The following SERPINB7 variants were observed in gnomAD, a reference collection of about 807,000 sequenced individuals.
SERPINB7 encodes serpin B7.
A neutral mutation model predicts 37.4 loss-of-function variants in SERPINB7; 31 were observed. The ratio of observed to expected loss-of-function variants is 0.83; its 90% CI spans 0.62 to 1.12. The LOEUF (loss-of-function observed/expected upper bound fraction) is 1.12. Among genes scored for constraint, SERPINB7 ranks in the 50% most tolerant of loss-of-function variants. The pLI is 0.00. For synonymous variants in SERPINB7, 163 were observed against 166.1 expected, an observed-to-expected ratio of 0.98 and a Z score of 0.14; for missense variants, 521 against 455.3, an observed-to-expected ratio of 1.14 and a Z score of -1.31.
chr18:63,801,667 C>T (rs9967135), intron 7 of SERPINB7, among the ~76,000 whole-genome samples: 34,102 of 151,930 alleles, frequency 0.22, 3,861 homozygotes, highest in Middle Eastern at 0.33. Context: ...CAGTCACAAG[C>T]GTGTGTAAAA....
In SERPINB7 at chr18:63,763,465, C is replaced by T. The variant is rs183682897; in HGVS notation, c.-19+10345C>T. On this transcript the variant is annotated intron_variant, in intron 1 of 7. Coordinates refer to the SERPINB7 transcript ENST00000336429. ...AATATTTAAAAAATTGGTAAGTAAT[C>T]CACCTTTCATTTATGAGACAATCTA... Among the ~76,000 whole-genome samples the T allele has an allele frequency of 3.9e-5, 6 of 152,192 alleles. No homozygotes were observed. In the East Asian group the frequency reaches 5.8e-4, roughly 15 times the overall value.
intron 1 of SERPINB7, chr18:63,778,034 C>T (rs1193496243): frequency 2.0e-5 from 3 of 152,016 alleles, no homozygotes; most frequent in Non-Finnish European, 4.4e-5. Context: ...TGCTTCTCCA[C>T]CTTACAGCTT....
intron 7 of SERPINB7, among the ~76,000 whole-genome samples, chr18:63,802,630 A>G (rs2049562128): frequency 6.6e-6 from 1 of 152,224 alleles, no homozygotes. Context: ...TATGTCAGCT[A>G]TACTGAAAAG....
chr18:63,778,970 T>C (rs2049276780), intron 1 of SERPINB7, among the ~76,000 whole-genome samples: 1 of 152,178 alleles, frequency 6.6e-6, no homozygotes, highest in Non-Finnish European at 1.5e-5. Context: ...ATAGTATATT[T>C]TTAGCAAAAT....
rs957857154 is a variant in SERPINB7 at position 63,767,167 on chromosome 18, GA to G, written c.-19+14056del. On this transcript the variant is annotated intron_variant, in intron 1 of 7. Coordinates refer to the SERPINB7 transcript ENST00000336429. ...TGTGAAAGAATAGAGGCAATGGAGA[GA>G]AAAAAAAATATGCAGAGATTTCTCA... 4.3e-4 allele frequency among the ~76,000 whole-genome samples: 65 copies of G among 151,024 alleles called. 2 individuals carry two copies. Among genetic ancestry groups the G allele is most frequent in the African/African-American group, 1.2e-3 (49 of 41,254 alleles).
At position 63,793,682 on chromosome 18, in the gene SERPINB7, G is replaced by T. The variant is rs144701310; in HGVS notation, c.336+405G>T. Among the ~76,000 whole-genome samples the T allele has an allele frequency of 1.7e-4, 26 of 152,130 alleles. 1 individual carries two copies. The East Asian group carries it at 5.0e-3, about 29-fold the overall frequency. On this transcript the variant is annotated intron_variant, in intron 4 of 7. Transcript: ENST00000398019. ...ACTATGCCCAGCTAATTTTTTTGTTGTTGAGAAAGGGTCTCTCTATGTTGC... is the reference window on the plus strand; with the variant it reads ...ACTATGCCCAGCTAATTTTTTTGTTTTTGAGAAAGGGTCTCTCTATGTTGC...
At position 63,786,136 on chromosome 18, in the gene SERPINB7, CAT is replaced by C. The variant is rs879741756; in HGVS notation, c.168+3602_168+3603del. 3.3e-5 allele frequency among the ~76,000 whole-genome samples: 4 copies of C among 120,068 alleles called. 1 individual carries two copies. The highest frequency in any genetic ancestry group is 2.7e-4 in the South Asian group (1 of 3,674). The allele number at this position is 120,068 out of a possible 152,430, so 78.8% of individuals were successfully genotyped here. ...ATATATGTATATATATACGTATATA[CAT>C]ATATACACACACACACACACACACA... On this transcript the variant is annotated intron_variant, in intron 2 of 7. Coordinates refer to ENST00000398019, the MANE Select transcript of SERPINB7 (RefSeq NM_003784.4).
intron 2 of SERPINB7, among the ~76,000 whole-genome samples, chr18:63,783,785 C>A (rs967156778): frequency 6.6e-6 from 1 of 152,230 alleles, no homozygotes; most frequent in Non-Finnish European, 1.5e-5. Context: ...TCTTGCCCCA[C>A]TATTCCTCCC....
At chr18:63,785,722 T>C (rs908970207) in intron 2 of SERPINB7, among the ~76,000 whole-genome samples, 8 of 151,338 alleles carry the variant, frequency 5.3e-5, no homozygotes, top group Non-Finnish European at 1.0e-4. Flanking sequence ...TTTTTGTTGT[T>C]GTGTTTTGTT....
intron 4 of SERPINB7, among the ~76,000 whole-genome samples, 158 bp downstream of exon 4, chr18:63,793,435 CA>C (rs1026488401): frequency 6.6e-6 from 1 of 152,142 alleles, no homozygotes; most frequent in Non-Finnish European, 1.5e-5. Flanking sequence ...TCACCATTTC[CA>C]AAGTTCAACT....
chr18:63,788,197 A>G (rs776016971), intron 2 of SERPINB7, among the ~76,000 whole-genome samples: 2 of 152,222 alleles, frequency 1.3e-5, no homozygotes, highest in African/African-American at 2.4e-5. Flanking sequence ...AGAAGGAGGC[A>G]TTGTTATCAT....
intron 2 of SERPINB7, among the ~76,000 whole-genome samples, chr18:63,791,524 G>A (rs567480137): frequency 2.6e-5 from 4 of 152,090 alleles, no homozygotes; most frequent in Non-Finnish European, 4.4e-5. Context: ...AATTTGTATT[G>A]GCCCAAATGT....
Position 63,804,319 on chromosome 18 carries a change from T to C in SERPINB7, c.827T>C (p.Phe276Ser). Reference protein sequence around the residue: ...RMTSKYVEVFFPQFKIEKNYE... With the variant: ...RMTSKYVEVFSPQFKIEKNYE... ...ACCTCTAAGTATGTTGAGGTATTTT[T>C]TCCTCAGTTCAAGATAGAGAAGAAT... The change falls in exon 8 of 8, where the codon TTT becomes TCT. Residue 276 changes from phenylalanine to serine, a missense_variant. Phe to Ser is a radical substitution (Grantham distance 155). Coordinates refer to ENST00000398019, the MANE Select transcript of SERPINB7 (RefSeq NM_003784.4). 1 of 1,613,036 alleles carries C rather than the reference T, an allele frequency of 6.2e-7. No individual in the cohort carries two copies. Among genetic ancestry groups the C allele is most frequent in the East Asian group, 2.2e-5 (1 of 44,876 alleles).
chr18:63,796,160 T>C, intron 4 of SERPINB7, 106 bp from the exon 5 acceptor site: 1 of 608,656 alleles, frequency 1.6e-6, no homozygotes, highest in Non-Finnish European at 2.9e-6. Flanking sequence ...TGAGGCAGAG[T>C]TGAACCTTTG....
Position 63,804,472 on chromosome 18 carries a change from T to C in SERPINB7, c.980T>C (p.Ile327Thr). The C allele has an allele frequency of 1.9e-6, 3 of 1,613,734 alleles. No homozygotes were observed. The highest frequency in any genetic ancestry group is 1.1e-5 in the South Asian group (1 of 91,078). Residue 327 changes from isoleucine to threonine, a missense_variant, in exon 8 of 8, where the codon ATA becomes ACA. Ile to Thr is a moderately conservative substitution (Grantham distance 89). Transcript: ENST00000398019. ...YISRMMHKSY[I>T]EVTEEGTEAT... Reference sequence around the variant, plus strand: ...TCAAGGATGATGCACAAATCTTACATAGAGGTCACTGAGGAGGGCACCGAG... The same window carrying C: ...TCAAGGATGATGCACAAATCTTACACAGAGGTCACTGAGGAGGGCACCGAG...
chr18:63,758,456 T>C (rs997111258), intron 1 of SERPINB7, among the ~76,000 whole-genome samples: 1 of 152,204 alleles, frequency 6.6e-6, no homozygotes, highest in Non-Finnish European at 1.5e-5. Flanking sequence ...TTAAAGATGC[T>C]CTCTGATTCG....
At chr18:63,785,729 TG>T (rs1310599142) in intron 2 of SERPINB7, among the ~76,000 whole-genome samples, 2 of 151,296 alleles carry the variant, frequency 1.3e-5, no homozygotes, top group South Asian at 4.1e-4. Context: ...TGTTGTGTTT[TG>T]TTTTTTTTGT....
chr18:63,773,029 A>G (rs951704714), upstream of SERPINB7, among the ~76,000 whole-genome samples: 1 of 152,148 alleles, frequency 6.6e-6, no homozygotes. Flanking sequence ...AGAGAGGGTA[A>G]ATATTTACAT....
chr18:63,797,860 G>A (rs956357834), intron 5 of SERPINB7, among the ~76,000 whole-genome samples: 4 of 152,072 alleles, frequency 2.6e-5, no homozygotes, highest in African/African-American at 9.7e-5. Flanking sequence ...TATTCTCCCC[G>A]ACAAATACAC....
Sources: allele counts gnomAD v4.1 joint callset (sites outside exome capture counted in the v4.1 genomes callset), GRCh38; gene constraint gnomAD v4.1.1; transcripts MANE v1.5; gene names NCBI Gene and HGNC (gene_info 2026-07-23, HGNC 2026-07-21).